PKHD1: variants seen among roughly 807,000 people sequenced by gnomAD.
PKHD1 encodes fibrocystin.
In PKHD1, 291 loss-of-function variants were observed where a neutral mutation model predicts 412.0. The ratio of observed to expected loss-of-function variants is 0.71; its 90% CI spans 0.64 to 0.78. The LOEUF is 0.78. Ranked by LOEUF, PKHD1 falls within the 30% of genes least tolerant of loss-of-function variation. The pLI, the probability that PKHD1 is intolerant of heterozygous loss-of-function variation, is 0.00. For missense variants in PKHD1, 4,825 were observed against 4,950.7 expected, an observed-to-expected ratio of 0.97 and a Z score of 0.76; for synonymous variants, 1,777 against 1,821.5, an observed-to-expected ratio of 0.98 and a Z score of 0.62.
At chr6:51,691,272 A>G (rs2150629435) in intron 60 of PKHD1, among the ~76,000 whole-genome samples, 1 of 152,348 alleles carries the variant, frequency 6.6e-6, no homozygotes, top group African/African-American at 2.4e-5. Context: ...CTAAAGACAG[A>G]AATACCATTT....
chr6:51,693,881 G>A (rs1315196097), intron 60 of PKHD1, among the ~76,000 whole-genome samples: 2 of 152,128 alleles, frequency 1.3e-5, no homozygotes, highest in East Asian at 3.8e-4. Context: ...TACAGATGAG[G>A]GAAATGAGGC....
intron 29 of PKHD1, among the ~76,000 whole-genome samples, chr6:52,031,192 G>A (rs1341861552): frequency 6.6e-6 from 1 of 152,194 alleles, no homozygotes; most frequent in Non-Finnish European, 1.5e-5. Flanking sequence ...TGAAGGAACT[G>A]AAGATAAAAG....
At chr6:52,012,319 G>C (rs1033865042) in intron 34 of PKHD1, among the ~76,000 whole-genome samples, 11 of 152,180 alleles carry the variant, frequency 7.2e-5, no homozygotes, top group African/African-American at 2.7e-4. Context: ...AGCTGTTGGA[G>C]GTAGTAGTTT....
chr6:52,064,968 G>C lies in PKHD1; in HGVS notation c.963C>G (p.Thr321=). ...TRAPGKDVRL[T]TPQPGNRGLL... Reference sequence around the variant, plus strand: ...TGGCTTCCTTACCTGGCTGAGGGGTGGTGAGCCTCACATCTTTTCCTGGAG... The same window carrying C: ...TGGCTTCCTTACCTGGCTGAGGGGTCGTGAGCCTCACATCTTTTCCTGGAG... The change falls in exon 13 of 67, where the codon ACC becomes ACG. Residue 321 remains threonine, a synonymous_variant. Coordinates refer to ENST00000371117, the MANE Select transcript of PKHD1 (RefSeq NM_138694.4). 6.3e-7 allele frequency: 1 copy of C among 1,597,532 alleles called. No homozygotes were observed. The highest frequency in any genetic ancestry group is 8.5e-7 in the Non-Finnish European group (1 of 1,170,670).
chr6:51,922,739 C>T (rs1583389717), intron 37 of PKHD1, among the ~76,000 whole-genome samples: 2 of 152,356 alleles, frequency 1.3e-5, no homozygotes, highest in East Asian at 1.9e-4. Flanking sequence ...GCATGGGACC[C>T]TCCGAGCCAG....
intron 35 of PKHD1, among the ~76,000 whole-genome samples, chr6:51,982,179 G>T (rs1562050882): frequency 4.6e-5 from 2 of 43,220 alleles, no homozygotes; most frequent in East Asian, 5.1e-4. Flanking sequence ...CCGTCCGGGA[G>T]GGAGGTGGGG....
At chr6:51,770,355 C>T (rs903812655) in intron 55 of PKHD1, among the ~76,000 whole-genome samples, 3 of 151,410 alleles carry the variant, frequency 2.0e-5, no homozygotes, top group African/African-American at 7.3e-5. Context: ...TGATTTTTAC[C>T]TGTTTTGTTA....
intron 60 of PKHD1, among the ~76,000 whole-genome samples, chr6:51,714,884 A>C (rs1243996539): frequency 6.6e-6 from 1 of 152,184 alleles, no homozygotes; most frequent in Non-Finnish European, 1.5e-5. Flanking sequence ...CATAGTAAGT[A>C]AAGTTTTAGC....
chr6:51,802,680 A>G (rs770294397), intron 52 of PKHD1, among the ~76,000 whole-genome samples: 14 of 151,660 alleles, frequency 9.2e-5, no homozygotes, highest in Admixed American at 3.3e-4. Context: ...TATCTATGAA[A>G]TAAGTGATTC....
chr6:52,083,181 C>A lies in PKHD1; in HGVS notation c.127G>T (p.Asp43Tyr). The A allele has an allele frequency of 6.2e-7, 1 of 1,601,856 alleles. No individual in the cohort carries two copies. The highest frequency in any genetic ancestry group is 1.1e-5 in the South Asian group (1 of 90,832). Reference sequence around the variant, plus strand: ...ACTTGGTAAAACCCCAACCTACCATCAAAAATGACTGTGATCCACGTTCCC... The same window carrying A: ...ACTTGGTAAAACCCCAACCTACCATAAAAAATGACTGTGATCCACGTTCCC... ...AGGTWITVIF[D>Y]GLELGVLYPN... The change falls in exon 3 of 67, where the codon GAT becomes TAT. Residue 43 changes from aspartate to tyrosine, a missense_variant. By Grantham distance (160) the Asp-to-Tyr change is radical. Coordinates refer to ENST00000371117, the MANE Select transcript of PKHD1 (RefSeq NM_138694.4).
intron 22 of PKHD1, among the ~76,000 whole-genome samples, chr6:52,049,048 G>T (rs1806327927): frequency 6.6e-6 from 1 of 152,108 alleles, no homozygotes; most frequent in South Asian, 2.1e-4. Flanking sequence ...ACTCATTTTG[G>T]AACATATGAG....
At chr6:51,625,240 G>A (rs1023538167) in intron 66 of PKHD1, among the ~76,000 whole-genome samples, 1 of 152,164 alleles carries the variant, frequency 6.6e-6, no homozygotes, top group African/African-American at 2.4e-5. Flanking sequence ...GAGACAGCCA[G>A]TCACTTTATC....
intron 35 of PKHD1, among the ~76,000 whole-genome samples, chr6:51,977,391 A>G (rs1470095927): frequency 2.0e-5 from 3 of 152,000 alleles, no homozygotes; most frequent in African/African-American, 7.3e-5. Context: ...CTTCAGATAC[A>G]CTCTGCTATT....
chr6:51,647,844 T>C (rs1438080198), intron 63 of PKHD1, among the ~76,000 whole-genome samples, 187 bp downstream of exon 63: 1 of 152,194 alleles, frequency 6.6e-6, no homozygotes, highest in Non-Finnish European at 1.5e-5. Context: ...ACTTTAGGAT[T>C]TGCTGCCAGC....
chr6:51,649,250 T>C (rs766906309), intron 61 of PKHD1, 30 bp from the exon 62 acceptor site: 1 of 1,554,610 alleles, frequency 6.4e-7, no homozygotes, highest in Admixed American at 1.7e-5. Context: ...ACAAAATACA[T>C]CCTTAGGATT....
chr6:51,630,365 C>G (rs1281635399), intron 65 of PKHD1, among the ~76,000 whole-genome samples: 1 of 152,106 alleles, frequency 6.6e-6, no homozygotes, highest in Admixed American at 6.6e-5. Context: ...CCAAGAGATT[C>G]CAGCTGCCTA....
intron 52 of PKHD1, among the ~76,000 whole-genome samples, chr6:51,801,836 T>C (rs1012623032): frequency 9.9e-5 from 15 of 152,168 alleles, no homozygotes; most frequent in African/African-American, 3.6e-4. Context: ...ATTCCCATAG[T>C]AGAATAAACA....
At chr6:52,058,237 C>A in intron 16 of PKHD1, 86 bp downstream of exon 16, 1 of 1,326,690 alleles carries the variant, frequency 7.5e-7, no homozygotes, top group Non-Finnish European at 1.1e-6. Context: ...CCCCTCAGGT[C>A]GCCAGACTCC....
rs866506453 is a variant in PKHD1, at chr6:51,726,558, G to A, written c.10156+17827C>T. Among the ~76,000 whole-genome samples the A allele has an allele frequency of 3.3e-5, 5 of 152,048 alleles. No individual in the cohort carries two copies. The East Asian group carries it at 5.8e-4, about 18-fold the overall frequency. On this transcript the variant is annotated intron_variant, in intron 60 of 66. Transcript: ENST00000371117. ...CTGTTCCCTCTAAGTTCCCATTACC[G>A]CTTCATCCCCCTCCAGCTTCCTGGG... is the stretch of plus-strand genomic sequence containing the variant.
Sources: allele counts gnomAD v4.1 joint callset (sites outside exome capture counted in the v4.1 genomes callset), GRCh38; gene constraint gnomAD v4.1.1; transcripts MANE v1.5; gene names NCBI Gene and HGNC (gene_info 2026-07-23, HGNC 2026-07-21).